The following PEX14 variants were observed in gnomAD, a reference collection of about 807,000 sequenced individuals.
The protein encoded by PEX14 is peroxisomal biogenesis factor 14, also known as peroxisomal membrane protein PEX14.
Under a neutral mutation model 49.5 loss-of-function variants are expected in PEX14, and 15 were observed. The ratio of observed to expected loss-of-function variants is 0.30; its 90% CI spans 0.20 to 0.47. The LOEUF is 0.47. PEX14 is among the 20% of genes least tolerant of loss of function. The probability of loss-of-function intolerance (pLI) is 1.00; values close to 1 mark genes in which losing one functional copy is unlikely to be tolerated. For missense variants in PEX14, 398 were observed against 494.8 expected, an observed-to-expected ratio of 0.80 and a Z score of 1.86; for synonymous variants, 210 against 212.7, an observed-to-expected ratio of 0.99 and a Z score of 0.11.
intron 1 of PEX14, among the ~76,000 whole-genome samples, chr1:10,475,257 C>T (rs1298523722): frequency 6.6e-6 from 1 of 152,076 alleles, no homozygotes; most frequent in Admixed American, 6.6e-5. Flanking sequence ...TCCCGCCTGC[C>T]AGCACCTCTG....
intron 3 of PEX14, among the ~76,000 whole-genome samples, chr1:10,590,508 A>G (rs1348035944): frequency 1.3e-5 from 2 of 152,176 alleles, no homozygotes; most frequent in African/African-American, 4.8e-5. Context: ...TACATTACAG[A>G]TAGAGAAACA....
At chr1:10,627,031 C>T (rs1641768460) in intron 7 of PEX14, among the ~76,000 whole-genome samples, 1 of 152,208 alleles carries the variant, frequency 6.6e-6, no homozygotes. Flanking sequence ...CATTATGTCA[C>T]CTAAAAACAC....
chr1:10,619,776 A>G (rs185161583), intron 5 of PEX14, among the ~76,000 whole-genome samples: 11 of 152,080 alleles, frequency 7.2e-5, no homozygotes, highest in Admixed American at 2.0e-4. Flanking sequence ...TAAGTGTAGC[A>G]TGTATTCCTG....
intron 1 of PEX14, among the ~76,000 whole-genome samples, chr1:10,481,348 C>T (rs952132625): frequency 1.3e-5 from 2 of 152,030 alleles, no homozygotes; most frequent in South Asian, 2.1e-4. Context: ...CCATGTTGGC[C>T]GGGATGGTCT....
chr1:10,592,198 T>C (rs934011662), intron 3 of PEX14, among the ~76,000 whole-genome samples: 2 of 152,186 alleles, frequency 1.3e-5, no homozygotes, highest in Non-Finnish European at 2.9e-5. Flanking sequence ...CAGAGATTCC[T>C]GATTACCCTT....
intron 3 of PEX14, among the ~76,000 whole-genome samples, chr1:10,542,080 T>TA (rs35907096): frequency 0.96 from 145,909 of 151,738 alleles, 70,370 homozygotes; most frequent in East Asian, 1. Context: ...CATGTATTAG[T>TA]AAAAAAAAAT....
At chr1:10,571,922 A>C (rs191946233) in intron 3 of PEX14, among the ~76,000 whole-genome samples, 1 of 152,332 alleles carries the variant, frequency 6.6e-6, no homozygotes, top group East Asian at 1.9e-4. Flanking sequence ...AGAAAAAATA[A>C]AGGGAGGGAG....
rs948799433 is a variant in PEX14, at chr1:10,629,228, A to G, written c.678-303A>G. ...GGATCAGAAGGAAGCAGGCTCCCGC[A>G]TGGCAGGCAGGCCCCACTTGGCTTC... On this transcript the variant is annotated intron_variant, in intron 8 of 8. Transcript: ENST00000356607. This position sits in a 1 kb window ranked among gnomAD's most constrained non-coding sequence, Gnocchi z 8.5. Among the ~76,000 whole-genome samples, 4 of 152,208 alleles carry G rather than the reference A, an allele frequency of 2.6e-5. No homozygotes were observed. The East Asian group carries it at 7.7e-4, about 29-fold the overall frequency.
chr1:10,499,998 C>T (rs906515236), intron 2 of PEX14, among the ~76,000 whole-genome samples: 1 of 151,988 alleles, frequency 6.6e-6, no homozygotes, highest in African/African-American at 2.4e-5. Flanking sequence ...GAAGCTCATC[C>T]ATCTTACCCC....
At chr1:10,601,957 C>G (rs1476439752) in intron 4 of PEX14, among the ~76,000 whole-genome samples, 1 of 152,204 alleles carries the variant, frequency 6.6e-6, no homozygotes, top group East Asian at 1.9e-4. Flanking sequence ...GAACAGGTCT[C>G]TCGGCTACTT....
chr1:10,490,095 C>T (rs1452478990), intron 1 of PEX14, among the ~76,000 whole-genome samples: 1 of 152,150 alleles, frequency 6.6e-6, no homozygotes. Context: ...GGTATTATTC[C>T]CGTTATTCCC....
intron 4 of PEX14, among the ~76,000 whole-genome samples, chr1:10,603,225 A>G (rs908495077): frequency 6.6e-6 from 1 of 152,246 alleles, no homozygotes; most frequent in African/African-American, 2.4e-5. Context: ...TTAACCATCT[A>G]CTATACGGTC....
chr1:10,482,086 A>G (rs1367525789), intron 1 of PEX14, among the ~76,000 whole-genome samples: 1 of 151,974 alleles, frequency 6.6e-6, no homozygotes, highest in Non-Finnish European at 1.5e-5. Flanking sequence ...GGGCCTCCCA[A>G]AGTGCTGAGA....
At chr1:10,608,839 G>A (rs1557426902) in intron 4 of PEX14, among the ~76,000 whole-genome samples, 2 of 152,050 alleles carry the variant, frequency 1.3e-5, no homozygotes. Context: ...TTTACCGAGT[G>A]ATGCAGCTGT....
intron 5 of PEX14, among the ~76,000 whole-genome samples, chr1:10,619,524 A>G (rs1312472517): frequency 6.6e-6 from 1 of 151,980 alleles, no homozygotes; most frequent in Non-Finnish European, 1.5e-5. Context: ...ACTGTTGGCC[A>G]GGCCGGTCTC....
intron 3 of PEX14, among the ~76,000 whole-genome samples, chr1:10,587,482 A>G (rs991063078): frequency 2.0e-5 from 3 of 152,326 alleles, no homozygotes; most frequent in East Asian, 1.9e-4. Context: ...ACAATTTTTT[A>G]ACCTTTCAGA....
At chr1:10,491,906 C>T (rs1641481364) in intron 1 of PEX14, among the ~76,000 whole-genome samples, 1 of 152,058 alleles carries the variant, frequency 6.6e-6, no homozygotes, top group African/African-American at 2.4e-5. Flanking sequence ...TCATCTCTAA[C>T]TCCCGGCCTC....
intron 3 of PEX14, among the ~76,000 whole-genome samples, chr1:10,594,894 A>C (rs1235957243): frequency 2.6e-5 from 4 of 152,224 alleles, no homozygotes; most frequent in Non-Finnish European, 4.4e-5. Flanking sequence ...AAACCTTGAG[A>C]AAAAGAAAGC....
chr1:10,537,885 A>G (rs1570232351), intron 3 of PEX14, among the ~76,000 whole-genome samples: 1 of 152,162 alleles, frequency 6.6e-6, no homozygotes, highest in South Asian at 2.1e-4. Flanking sequence ...TCTGGACCAA[A>G]TAATACTTCT....
Sources: gnomAD v4.1 joint callset for allele counts (sites outside exome capture counted in the v4.1 genomes callset) on GRCh38, gnomAD v4.1.1 for gene constraint, Gnocchi (gnomAD v3.1) non-coding constraint, MANE v1.5 for transcripts, NCBI Gene and HGNC (gene_info 2026-07-23, HGNC 2026-07-21) for gene names.